The following NKAIN2 variants were observed in gnomAD, a reference collection of about 807,000 sequenced individuals.
The protein encoded by NKAIN2 is sodium/potassium-transporting ATPase subunit beta-1-interacting protein 2.
NKAIN2 carries 14 observed loss-of-function variants against 32.6 expected under a neutral mutation model. That is an observed-to-expected ratio of 0.43 (90% CI 0.28 to 0.67). The LOEUF is 0.67. NKAIN2 is among the 30% of genes least tolerant of loss of function. The pLI is 0.17. For synonymous variants in NKAIN2, 80 were observed against 87.2 expected (o/e 0.92, Z 0.46); for missense variants, 198 against 258.3 (o/e 0.77, Z 1.60).
At chr6:123,867,492 T>A (rs920820757) in intron 1 of NKAIN2, among the ~76,000 whole-genome samples, 1 of 152,246 alleles carries the variant, frequency 6.6e-6, no homozygotes, top group Non-Finnish European at 1.5e-5. Flanking sequence ...CTTTGTTTCC[T>A]ACTAAAAATA....
intron 4 of NKAIN2, among the ~76,000 whole-genome samples, chr6:124,663,676 G>A (rs548186161): frequency 2.6e-5 from 4 of 152,252 alleles, no homozygotes; most frequent in African/African-American, 9.6e-5. Context: ...ATAATTGTTT[G>A]TTATGTCTTG....
At chr6:123,860,087 C>A (rs1003584266) in intron 1 of NKAIN2, among the ~76,000 whole-genome samples, 1 of 152,118 alleles carries the variant, frequency 6.6e-6, no homozygotes, top group Admixed American at 6.5e-5. Flanking sequence ...AAAGTCAATG[C>A]CACAGTGGAA....
intron 4 of NKAIN2, among the ~76,000 whole-genome samples, chr6:124,711,458 G>A (rs558463717): frequency 9.9e-5 from 15 of 150,962 alleles, no homozygotes; most frequent in South Asian, 4.2e-4. Flanking sequence ...AGGTACACCA[G>A]TCAGACACAG....
intron 3 of NKAIN2, among the ~76,000 whole-genome samples, chr6:124,377,734 G>C (rs1331174483): frequency 1.3e-5 from 2 of 152,108 alleles, no homozygotes; most frequent in East Asian, 3.9e-4. Flanking sequence ...GAGGTAAATG[G>C]AATGATTTTT....
At chr6:124,795,072 A>G (rs556842912) in intron 5 of NKAIN2, among the ~76,000 whole-genome samples, 1 of 152,350 alleles carries the variant, frequency 6.6e-6, no homozygotes, top group Non-Finnish European at 1.5e-5. Flanking sequence ...TGGATTTGCA[A>G]TAATGCATCA....
chr6:123,832,398 A>G (rs1445336869), intron 1 of NKAIN2, among the ~76,000 whole-genome samples: 2 of 152,134 alleles, frequency 1.3e-5, no homozygotes, highest in African/African-American at 2.4e-5. Context: ...AGTTGCTCTC[A>G]TGGTTTGGTA....
At chr6:123,870,280 T>C (rs1359868982) in intron 1 of NKAIN2, among the ~76,000 whole-genome samples, 2 of 152,066 alleles carry the variant, frequency 1.3e-5, no homozygotes, top group Non-Finnish European at 2.9e-5. Flanking sequence ...CTGGTGTGTG[T>C]TGGGGGGAGT....
At chr6:124,813,135 G>C (rs1267507888) in intron 5 of NKAIN2, among the ~76,000 whole-genome samples, 2 of 152,024 alleles carry the variant, frequency 1.3e-5, no homozygotes, top group Non-Finnish European at 2.9e-5. Context: ...TAAATTATCA[G>C]ACATGAAGCA....
At chr6:124,363,449 A>G (rs982952020) in intron 3 of NKAIN2, among the ~76,000 whole-genome samples, 1 of 152,194 alleles carries the variant, frequency 6.6e-6, no homozygotes, top group African/African-American at 2.4e-5. Flanking sequence ...ATAAATCAGC[A>G]TAGCTTTGAG....
chr6:124,602,305 T>C (rs988225963), intron 3 of NKAIN2, among the ~76,000 whole-genome samples: 1 of 152,028 alleles, frequency 6.6e-6, no homozygotes, highest in Non-Finnish European at 1.5e-5. Context: ...ACTCATCTTA[T>C]AGCATTTTTT....
At chr6:124,360,551 T>G (rs1799241167) in intron 3 of NKAIN2, among the ~76,000 whole-genome samples, 1 of 152,140 alleles carries the variant, frequency 6.6e-6, no homozygotes, top group Non-Finnish European at 1.5e-5. Context: ...CCAACATTAT[T>G]ATTAAAATTT....
At chr6:123,829,577 A>T (rs946521264) in intron 1 of NKAIN2, among the ~76,000 whole-genome samples, 1 of 152,246 alleles carries the variant, frequency 6.6e-6, no homozygotes. Flanking sequence ...TAGACTGCTT[A>T]TGCTTCCTGG....
chr6:123,920,548 G>C (rs1300106816), intron 1 of NKAIN2, among the ~76,000 whole-genome samples: 2 of 151,928 alleles, frequency 1.3e-5, no homozygotes, highest in East Asian at 3.9e-4. Context: ...ATAAATGTCA[G>C]GTCTGAAACT....
At chr6:124,257,650 T>C (rs2114830395) in intron 1 of NKAIN2, among the ~76,000 whole-genome samples, 1 of 152,234 alleles carries the variant, frequency 6.6e-6, no homozygotes, top group Non-Finnish European at 1.5e-5. Flanking sequence ...GAAATAACAG[T>C]CCAAAATAGA....
At position 124,825,338 on chromosome 6, in the gene NKAIN2, T is replaced by C. The variant is rs1462389950; in HGVS notation, c.*2109T>C. 1 of 152,514 alleles carries C rather than the reference T, an allele frequency of 6.6e-6. No homozygotes were observed. Among genetic ancestry groups the C allele is most frequent in the Non-Finnish European group, 1.5e-5 (1 of 68,008 alleles). 9.4% of individuals were successfully genotyped at this position (152,514 alleles called of 1,614,324 possible). A position where few individuals can be genotyped will look rare whatever the true frequency, so the allele number is the denominator to read the frequency against. On this transcript the variant is annotated 3_prime_UTR_variant, in exon 7 of 7. Coordinates refer to ENST00000368417, the MANE Select transcript of NKAIN2 (RefSeq NM_001040214.3). ...TCACCACCAAAATTTTAAAAAACAG[T>C]AGTTGACTACTAAAAAGTAATCAGT...
At chr6:124,322,596 C>T (rs2753173) in intron 2 of NKAIN2, among the ~76,000 whole-genome samples, 6,490 of 152,226 alleles carry the variant, frequency 0.043, 268 homozygotes, top group African/African-American at 0.11. Context: ...ATATCTATAA[C>T]TGTGTCATTT....
intron 3 of NKAIN2, among the ~76,000 whole-genome samples, chr6:124,534,944 G>A (rs1382871925): frequency 6.6e-6 from 1 of 152,038 alleles, no homozygotes; most frequent in Non-Finnish European, 1.5e-5. Context: ...ATATAAAATG[G>A]TATAGTATTT....
chr6:124,376,760 T>C (rs62434750), intron 3 of NKAIN2, among the ~76,000 whole-genome samples: 3,631 of 152,256 alleles, frequency 0.024, 93 homozygotes, highest in Non-Finnish European at 0.034. Context: ...TTCTCTACTA[T>C]AAATATCATT....
At chr6:123,991,752 C>T (rs1347748037) in intron 1 of NKAIN2, among the ~76,000 whole-genome samples, 1 of 151,998 alleles carries the variant, frequency 6.6e-6, no homozygotes, top group African/African-American at 2.4e-5. Context: ...GTCCCAGCTA[C>T]TCAGGAGGCT....
Sources: allele counts gnomAD v4.1 joint callset (sites outside exome capture counted in the v4.1 genomes callset), GRCh38; gene constraint gnomAD v4.1.1; transcripts MANE v1.5; gene names NCBI Gene and HGNC (gene_info 2026-07-23, HGNC 2026-07-21).